Variants in MTHFSD observed in about 807,000 individuals in gnomAD.
The protein encoded by MTHFSD is methenyltetrahydrofolate synthase domain-containing protein.
Under a neutral mutation model 31.1 loss-of-function variants are expected in MTHFSD, and 37 were observed. That is an observed-to-expected ratio of 1.19 (90% CI 0.91 to 1.56). MTHFSD has a LOEUF of 1.56. Ranked by LOEUF, MTHFSD falls within the 40% of genes most tolerant of loss-of-function variation. The pLI is 0.00. For missense variants in MTHFSD, 664 were observed against 510.1 expected (o/e 1.30, Z -2.91); for synonymous variants, 221 against 206.9 (o/e 1.07, Z -0.59).
intron 7 of MTHFSD, among the ~76,000 whole-genome samples, chr16:86,536,074 T>C (rs979317707): frequency 6.6e-6 from 1 of 152,226 alleles, no homozygotes; most frequent in African/African-American, 2.4e-5. Context: ...AGGCTGGTCT[T>C]GAACTCCTGG....
intron 3 of MTHFSD, among the ~76,000 whole-genome samples, chr16:86,549,929 C>T (rs28750253): frequency 0.02 from 2,982 of 152,292 alleles, 90 homozygotes; most frequent in African/African-American, 0.068. Context: ...TCCGGTCAGA[C>T]ACTGGCCACT....
chr16:86,547,600 A>C (rs994661425), intron 4 of MTHFSD: 26 of 972,342 alleles, frequency 2.7e-5, no homozygotes, highest in Non-Finnish European at 3.2e-5. Context: ...GCATTTGTGA[A>C]TGCTGACCAT....
At chr16:86,544,297 C>T (rs774647664) in intron 5 of MTHFSD, among the ~76,000 whole-genome samples, 2 of 152,080 alleles carry the variant, frequency 1.3e-5, no homozygotes, top group South Asian at 2.1e-4. Flanking sequence ...AGAGAACCTA[C>T]AAAATAGGAG....
chr16:86,548,411 C>G, intron 4 of MTHFSD, 53 bp downstream of exon 4: 1 of 1,399,522 alleles, frequency 7.1e-7, no homozygotes, highest in Non-Finnish European at 1.0e-6. Context: ...TCGTCAGAAG[C>G]CTTCACAGGG....
intron 3 of MTHFSD, among the ~76,000 whole-genome samples, 166 bp from the exon 4 acceptor site, chr16:86,548,743 T>C (rs988632856): frequency 1.3e-5 from 2 of 152,214 alleles, no homozygotes; most frequent in Non-Finnish European, 2.9e-5. Flanking sequence ...AATTAAATAA[T>C]GTGTGGGGTC....
At chr16:86,541,889 C>T in intron 6 of MTHFSD, 67 bp from the exon 7 acceptor site, 1 of 1,592,324 alleles carries the variant, frequency 6.3e-7, no homozygotes, top group Non-Finnish European at 8.6e-7. Flanking sequence ...CACTGCCCCG[C>T]TCGGTGGGAA....
intron 7 of MTHFSD, chr16:86,535,584 T>G (rs1425517451): frequency 1.2e-6 from 1 of 825,336 alleles, no homozygotes; most frequent in Middle Eastern, 6.1e-4. Context: ...TTTTTATAAC[T>G]AATTCTATTC....
chr16:86,552,356 A>G (rs1973290460), intron 2 of MTHFSD: 2 of 1,407,784 alleles, frequency 1.4e-6, no homozygotes, highest in Non-Finnish European at 1.9e-6. Context: ...CTGCAGCCCA[A>G]GCAGCTCGGC....
chr16:86,552,785 C>T (rs907455996), intron 2 of MTHFSD, among the ~76,000 whole-genome samples: 1 of 152,172 alleles, frequency 6.6e-6, no homozygotes, highest in African/African-American at 2.4e-5. Flanking sequence ...GTCTTGGAAC[C>T]ACCTCAGCTG....
intron 3 of MTHFSD, among the ~76,000 whole-genome samples, chr16:86,550,819 G>C (rs573111550): frequency 2.0e-5 from 3 of 152,316 alleles, no homozygotes; most frequent in African/African-American, 7.2e-5. Flanking sequence ...CTCTCTTGGG[G>C]CTGAACCACC....
At position 86,552,224 on chromosome 16, in the gene MTHFSD, T is replaced by A. The variant is rs2143876044; in HGVS notation, c.124-78A>T. On this transcript the variant is annotated intron_variant, in intron 2 of 7. Coordinates refer to ENST00000360900, the MANE Select transcript of MTHFSD (RefSeq NM_001159377.2). ...CACTTTTCTGGGGGGCATCAGGATT[T>A]ACTTTAATGGTCCTGGCCGTTTTGA... 1.2e-6 allele frequency: 2 copies of A among 1,613,518 alleles called. 1 individual carries two copies. Among genetic ancestry groups the A allele is most frequent in the Middle Eastern group, 3.3e-4 (2 of 6,060 alleles).
intron 7 of MTHFSD, among the ~76,000 whole-genome samples, chr16:86,539,916 T>C (rs1971256102): frequency 6.6e-6 from 1 of 152,164 alleles, no homozygotes; most frequent in Non-Finnish European, 1.5e-5. Flanking sequence ...ATTCTTAGAT[T>C]CTAAAACCTA....
intron 7 of MTHFSD, among the ~76,000 whole-genome samples, chr16:86,541,373 A>G (rs1178872336): frequency 1.3e-5 from 2 of 152,144 alleles, no homozygotes; most frequent in Admixed American, 6.5e-5. Context: ...CTGGGATGGC[A>G]GAAAACAACT....
chr16:86,545,232 C>T (rs1043802478), intron 5 of MTHFSD, among the ~76,000 whole-genome samples: 10 of 152,076 alleles, frequency 6.6e-5, no homozygotes, highest in African/African-American at 1.9e-4. Flanking sequence ...ATATCTGTGT[C>T]TCACACGCAT....
At chr16:86,550,253 G>A (rs1303196002) in intron 3 of MTHFSD, among the ~76,000 whole-genome samples, 1 of 152,270 alleles carries the variant, frequency 6.6e-6, no homozygotes, top group African/African-American at 2.4e-5. Flanking sequence ...GACCACATGT[G>A]TGTAGTCTTG....
At position 86,542,105 on chromosome 16, in the gene MTHFSD, C is replaced by A; in HGVS notation, c.551G>T (p.Cys184Phe). Residue 184 changes from cysteine (C) to phenylalanine (F), a missense_variant, in exon 6 of 8, where the codon TGC (cysteine) becomes TTC (phenylalanine). Coordinates refer to ENST00000360900, the MANE Select transcript of MTHFSD (RefSeq NM_001159377.2). This position sits in a 1 kb window ranked among gnomAD's most constrained non-coding sequence, Gnocchi z 4.6. The stretch of plus-strand genomic sequence containing the variant: ...CAGCCCATTCATAAGGAGCACCTGG[C>A]AGTCGTGGACGATGGTGACCACCGG... ...ETPVVTIVHD[C>F]QVVDIPEELV... 1 of 1,612,900 alleles carries A rather than the reference C, an allele frequency of 6.2e-7. No individual in the cohort carries two copies. Among genetic ancestry groups the A allele is most frequent in the Non-Finnish European group, 8.5e-7 (1 of 1,179,530 alleles).
chr16:86,534,123 T>C (rs1970349570), intron 7 of MTHFSD, among the ~76,000 whole-genome samples: 1 of 152,212 alleles, frequency 6.6e-6, no homozygotes, highest in Non-Finnish European at 1.5e-5. Context: ...ACATTTCCCA[T>C]TGTTCAGATA....
At chr16:86,554,361 C>A (rs956566561) in intron 2 of MTHFSD, among the ~76,000 whole-genome samples, 3 of 152,196 alleles carry the variant, frequency 2.0e-5, no homozygotes, top group Admixed American at 2.0e-4. Context: ...TGCGAGGCTT[C>A]ATTCTTGAAG....
rs1187617668 is a variant in MTHFSD, at chr16:86,532,112, C to G, written c.1051G>C (p.Asp351His). 2 of 1,544,198 alleles carry G rather than the reference C, an allele frequency of 1.3e-6. No individual in the cohort carries two copies. Among genetic ancestry groups the G allele is most frequent in the East Asian group, 2.3e-5 (1 of 42,856 alleles). ...ACGGCCTGCTGGGCTGCGGCAGAGT[C>G]CGGGTAATGGAGGAAGGCTCTGCGC... ...PRRRAFLHYP[D>H]SAAAQQAVSC... Residue 351 changes from aspartate to histidine, a missense_variant, in exon 8 of 8, where the codon GAC becomes CAC. Asp to His is a moderately conservative substitution (Grantham distance 81). Coordinates refer to ENST00000360900, the MANE Select transcript of MTHFSD (RefSeq NM_001159377.2).
Sources: gnomAD v4.1 joint callset for allele counts (sites outside exome capture counted in the v4.1 genomes callset) on GRCh38, gnomAD v4.1.1 for gene constraint, Gnocchi (gnomAD v3.1) non-coding constraint, MANE v1.5 for transcripts, NCBI Gene and HGNC (gene_info 2026-07-23, HGNC 2026-07-21) for gene names.